The following LGR6 variants were observed in gnomAD, a reference collection of about 807,000 sequenced individuals.
LGR6 encodes leucine-rich repeat-containing G protein-coupled receptor 6.
A neutral mutation model predicts 69.4 loss-of-function variants in LGR6; 45 were observed. The observed-to-expected ratio is 0.65, with a 90% CI of 0.51 to 0.83. The LOEUF is 0.83. Ranked by LOEUF, LGR6 falls within the 40% of genes least tolerant of loss-of-function variation. The pLI, the probability that LGR6 is intolerant of heterozygous loss-of-function variation, is 0.00. For missense variants in LGR6, 1,108 were observed against 1,246.7 expected (o/e 0.89, Z 1.68); for synonymous variants, 538 against 555.0 (o/e 0.97, Z 0.43).
At chr1:202,275,545 C>T (rs1334205937) in intron 4 of LGR6, among the ~76,000 whole-genome samples, 2 of 152,136 alleles carry the variant, frequency 1.3e-5, no homozygotes, top group Non-Finnish European at 2.9e-5. Flanking sequence ...TTCACCTGTT[C>T]TGAGAGGCAG....
chr1:202,276,171 A>C, intron 4 of LGR6, 135 bp from the exon 5 acceptor site: 1 of 667,744 alleles, frequency 1.5e-6, no homozygotes, highest in East Asian at 2.6e-5. Flanking sequence ...TACAGGATAC[A>C]TGGTGGCCAA....
intron 6 of LGR6, among the ~76,000 whole-genome samples, chr1:202,281,627 T>G (rs1666013978): frequency 6.6e-6 from 1 of 152,086 alleles, no homozygotes; most frequent in African/African-American, 2.4e-5. Context: ...CATGGCCACC[T>G]GGTACAGGCC....
chr1:202,304,460 G>A (rs959619045), intron 10 of LGR6, 99 bp from the exon 11 acceptor site: 9 of 745,074 alleles, frequency 1.2e-5, no homozygotes, highest in South Asian at 2.4e-5. Flanking sequence ...TGTTAGCTCC[G>A]TCATCCCACG....
intron 1 of LGR6, chr1:202,214,389 C>T: frequency 1.2e-6 from 1 of 814,464 alleles, no homozygotes; most frequent in Non-Finnish European, 1.8e-6. Context: ...AGGCCGCCTC[C>T]CCACTTCCGG....
chr1:202,250,417 A>ATTG (rs1223035481), intron 4 of LGR6, among the ~76,000 whole-genome samples: 1 of 149,526 alleles, frequency 6.7e-6, no homozygotes, highest in Non-Finnish European at 1.5e-5. Flanking sequence ...TATTATTATT[A>ATTG]TTTTTTGAGA....
chr1:202,311,932 C>G (rs527667921), intron 16 of LGR6, among the ~76,000 whole-genome samples: 7 of 152,130 alleles, frequency 4.6e-5, no homozygotes, highest in Non-Finnish European at 1.0e-4. Context: ...TATGAGGACC[C>G]GATGAGGAGC....
In LGR6 at chr1:202,306,915, G is replaced by T; in HGVS notation, c.1184G>T (p.Ser395Ile). 1 of 1,614,128 alleles carries T rather than the reference G, an allele frequency of 6.2e-7. No individual in the cohort carries two copies. Residue 395 changes from serine (S) to isoleucine (I), a missense_variant, in exon 13 of 18, where the codon AGC becomes ATC. Transcript: ENST00000367278. ...TGGGAAATTGGAGCTGACACCTTCA[G>T]CCAGCTGAGCTCCCTGCAAGCCCTG... ...RIWEIGADTF[S>I]QLSSLQALDL...
intron 6 of LGR6, among the ~76,000 whole-genome samples, chr1:202,295,365 AT>A (rs1334491851): frequency 6.6e-6 from 1 of 151,802 alleles, no homozygotes; most frequent in African/African-American, 2.4e-5. Flanking sequence ...TTCAATAAAG[AT>A]ACTTCCATGT....
At chr1:202,297,628 G>A (rs746360847) in intron 7 of LGR6, 52 bp downstream of exon 7, 1 of 1,461,012 alleles carries the variant, frequency 6.8e-7, no homozygotes, top group African/African-American at 1.4e-5. Context: ...AAGGGCAGGG[G>A]CTGAAGCCAG....
intron 4 of LGR6, among the ~76,000 whole-genome samples, chr1:202,266,914 A>T (rs562290056): frequency 6.6e-6 from 1 of 151,994 alleles, no homozygotes; most frequent in South Asian, 2.1e-4. Context: ...GCACACACAC[A>T]CACACAATCA....
intron 14 of LGR6, among the ~76,000 whole-genome samples, chr1:202,308,234 C>T (rs965061342): frequency 5.3e-5 from 8 of 152,158 alleles, no homozygotes; most frequent in African/African-American, 1.7e-4. Context: ...AGGCTGGGGC[C>T]GTGGCTTTGC....
chr1:202,245,330 C>T (rs1168455286), intron 4 of LGR6, among the ~76,000 whole-genome samples: 1 of 152,158 alleles, frequency 6.6e-6, no homozygotes, highest in Non-Finnish European at 1.5e-5. Context: ...CAGCCCCCTG[C>T]AGCCCTCAAG....
intron 1 of LGR6, among the ~76,000 whole-genome samples, chr1:202,215,756 G>A (rs1232099343): frequency 8.5e-5 from 13 of 152,230 alleles, no homozygotes; most frequent in Admixed American, 7.9e-4. Flanking sequence ...GAAGCTGCGT[G>A]TGTATGTGAC....
At chr1:202,283,711 A>G (rs945436379) in intron 6 of LGR6, among the ~76,000 whole-genome samples, 2 of 152,182 alleles carry the variant, frequency 1.3e-5, no homozygotes, top group African/African-American at 4.8e-5. Context: ...TGCACAGCCA[A>G]TCATGTGCAC....
chr1:202,318,556 C>T lies in LGR6; in HGVS notation c.2253C>T (p.Tyr751=). The T allele has an allele frequency of 6.2e-7, 1 of 1,614,108 alleles. No individual in the cohort carries two copies. The highest frequency in any genetic ancestry group is 8.5e-7 in the Non-Finnish European group (1 of 1,180,000). Residue 751 remains tyrosine (Y), a synonymous_variant, in exon 18 of 18, where the codon TAC becomes TAT. Coordinates refer to ENST00000367278, the MANE Select transcript of LGR6 (RefSeq NM_001017403.2). ...SFCFLVVAGA[Y]IKLYCDLPRG... The stretch of plus-strand genomic sequence containing the variant: ...GTTTCCTGGTCGTGGCCGGTGCCTA[C>T]ATCAAACTGTACTGTGACCTGCCGC...
chr1:202,264,870 G>C (rs1664520576), intron 4 of LGR6, among the ~76,000 whole-genome samples: 1 of 152,120 alleles, frequency 6.6e-6, no homozygotes, highest in Admixed American at 6.5e-5. Flanking sequence ...CCACCCCAGG[G>C]GTTCTTGCAC....
chr1:202,204,365 C>A (rs1414759985), intron 1 of LGR6, among the ~76,000 whole-genome samples: 1 of 124,378 alleles, frequency 8.0e-6, no homozygotes, highest in East Asian at 2.5e-4. Flanking sequence ...CCTCCACACA[C>A]ACACACCTCC....
chr1:202,263,988 G>A (rs12739853), intron 4 of LGR6, among the ~76,000 whole-genome samples: 20,717 of 152,162 alleles, frequency 0.14, 1,888 homozygotes, highest in Non-Finnish European at 0.2. Context: ...GATTCCAACC[G>A]TGGGGATGAT....
intron 4 of LGR6, among the ~76,000 whole-genome samples, chr1:202,249,131 C>T (rs80281665): frequency 2.0e-5 from 3 of 152,166 alleles, no homozygotes; most frequent in Admixed American, 6.5e-5. Context: ...CTCTCTCCTC[C>T]CCTTCACAGT....
Sources: gnomAD v4.1 joint callset for allele counts (sites outside exome capture counted in the v4.1 genomes callset) on GRCh38, gnomAD v4.1.1 for gene constraint, MANE v1.5 for transcripts, NCBI Gene and HGNC (gene_info 2026-07-23, HGNC 2026-07-21) for gene names.